DENND1B: variants seen among roughly 807,000 people sequenced by gnomAD.
DENND1B encodes the protein DENN domain containing 1B.
In DENND1B, 59 loss-of-function variants were observed where a neutral mutation model predicts 90.1. That is an observed-to-expected ratio of 0.65 (90% CI 0.53 to 0.81). DENND1B has a LOEUF of 0.81. Among genes scored for constraint, DENND1B ranks in the 40% least tolerant of loss-of-function variants. The pLI, the probability that DENND1B is intolerant of heterozygous loss-of-function variation, is 0.00. For missense variants in DENND1B, 862 were observed against 912.6 expected (o/e 0.94, Z 0.71); for synonymous variants, 337 against 324.6 (o/e 1.04, Z -0.41).
intron 2 of DENND1B, among the ~76,000 whole-genome samples, chr1:197,759,965 TC>T (rs1285440048): frequency 6.6e-6 from 1 of 152,152 alleles, no homozygotes; most frequent in Admixed American, 6.5e-5. Flanking sequence ...CTTAAAAAGA[TC>T]GACTTTAATC....
At chr1:197,752,800 G>C (rs557353569) in intron 2 of DENND1B, among the ~76,000 whole-genome samples, 12 of 151,442 alleles carry the variant, frequency 7.9e-5, no homozygotes, top group African/African-American at 2.7e-4. Flanking sequence ...CCGACCCCAC[G>C]ACAGGCCCCG....
chr1:197,644,106 G>C (rs1294330969), intron 9 of DENND1B, among the ~76,000 whole-genome samples: 1 of 152,162 alleles, frequency 6.6e-6, no homozygotes, highest in African/African-American at 2.4e-5. Context: ...AATTTGGTGG[G>C]AAGAGGTTTA....
chr1:197,775,058 G>T, intron 1 of DENND1B, 81 bp downstream of exon 1: 1 of 996,414 alleles, frequency 1.0e-6, no homozygotes, highest in Non-Finnish European at 1.3e-6. Context: ...GTTGAGCGCG[G>T]AGGCGCGGAG....
chr1:197,529,246 G>A (rs1156561171), intron 20 of DENND1B, among the ~76,000 whole-genome samples: 401 of 10,250 alleles, frequency 0.039, no homozygotes, highest in Middle Eastern at 0.15. Flanking sequence ...ATATATATGT[G>A]TGTGTGTGTG....
At chr1:197,689,251 A>C (rs774526807) in intron 3 of DENND1B, among the ~76,000 whole-genome samples, 11 of 152,082 alleles carry the variant, frequency 7.2e-5, no homozygotes, top group Admixed American at 3.9e-4. Flanking sequence ...GGCAGCAGGC[A>C]AAGAGAGAAA....
At chr1:197,537,488 A>G (rs1199560783) in intron 20 of DENND1B, among the ~76,000 whole-genome samples, 2 of 152,152 alleles carry the variant, frequency 1.3e-5, no homozygotes, top group African/African-American at 4.8e-5. Flanking sequence ...ATCAGAATGT[A>G]CAGTGTGAGG....
intron 10 of DENND1B, among the ~76,000 whole-genome samples, chr1:197,629,568 C>T (rs1488518163): frequency 2.6e-5 from 4 of 151,412 alleles, no homozygotes; most frequent in African/African-American, 4.9e-5. Flanking sequence ...AGGAGATATA[C>T]CTAATGCTAA....
At chr1:197,631,631 C>T (rs1473943053) in intron 10 of DENND1B, among the ~76,000 whole-genome samples, 1 of 151,720 alleles carries the variant, frequency 6.6e-6, no homozygotes, top group Non-Finnish European at 1.5e-5. Context: ...GAAAAAGAGA[C>T]AATCACAATG....
intron 5 of DENND1B, among the ~76,000 whole-genome samples, chr1:197,660,493 TG>T (rs1454307118): frequency 6.6e-6 from 1 of 151,988 alleles, no homozygotes; most frequent in Non-Finnish European, 1.5e-5. Flanking sequence ...AAAGAATGAC[TG>T]GAAATTTTCC....
intron 18 of DENND1B, among the ~76,000 whole-genome samples, chr1:197,542,675 T>C (rs1670421386): frequency 6.6e-6 from 1 of 152,158 alleles, no homozygotes; most frequent in Admixed American, 6.5e-5. Flanking sequence ...GTTTTATTCA[T>C]AGCAATTTGT....
chr1:197,569,833 T>C (rs1673000916), intron 15 of DENND1B, among the ~76,000 whole-genome samples: 1 of 152,170 alleles, frequency 6.6e-6, no homozygotes, highest in African/African-American at 2.4e-5. Flanking sequence ...TCAGGAATTC[T>C]ATTGTTCAAC....
At chr1:197,515,879 A>G (rs933634876) in intron 20 of DENND1B, among the ~76,000 whole-genome samples, 5 of 151,824 alleles carry the variant, frequency 3.3e-5, no homozygotes, top group East Asian at 1.9e-4. Context: ...GTCTTTCCCT[A>G]TTGTGTTGCA....
chr1:197,749,283 T>G (rs986379043), intron 2 of DENND1B, among the ~76,000 whole-genome samples: 1 of 151,998 alleles, frequency 6.6e-6, no homozygotes, highest in African/African-American at 2.4e-5. Flanking sequence ...ATATATAAAT[T>G]TATAGACCCA....
At chr1:197,723,263 G>C (rs1661342245) in intron 2 of DENND1B, among the ~76,000 whole-genome samples, 1 of 152,124 alleles carries the variant, frequency 6.6e-6, no homozygotes. Flanking sequence ...TCAATCTCCT[G>C]ATAGAGTAAT....
intron 2 of DENND1B, among the ~76,000 whole-genome samples, chr1:197,752,819 T>C (rs745659439): frequency 2.0e-5 from 3 of 151,952 alleles, no homozygotes; most frequent in Non-Finnish European, 4.4e-5. Context: ...CGGTGTGTGA[T>C]GTTCCCCACC....
intron 10 of DENND1B, among the ~76,000 whole-genome samples, chr1:197,620,247 A>G (rs553895433): frequency 6.6e-6 from 1 of 151,452 alleles, no homozygotes; most frequent in African/African-American, 2.4e-5. Flanking sequence ...AGATGATAGC[A>G]AAGTTGCAAG....
rs1326737766 is a variant in DENND1B at position 197,654,084 on chromosome 1, A to G, written c.367-1769T>C. Among the ~76,000 whole-genome samples the G allele has an allele frequency of 2.6e-5, 4 of 152,230 alleles. No individual in the cohort carries two copies. In the East Asian group the frequency reaches 7.7e-4, roughly 29 times the overall value. ...CAAATATATACAGAAAAATATTTAC[A>G]TGCACAAACACATACACATAAACAA... On this transcript the variant is annotated intron_variant, in intron 6 of 22. Coordinates refer to ENST00000620048, the MANE Select transcript of DENND1B (RefSeq NM_001195215.2).
At chr1:197,583,087 T>C in intron 15 of DENND1B, 65 bp downstream of exon 15, 10 of 1,408,630 alleles carry the variant, frequency 7.1e-6, no homozygotes, top group Non-Finnish European at 1.0e-5. Flanking sequence ...AGTTTTATAG[T>C]AATACAAATG....
chr1:197,660,881 GA>G (rs1383093313), intron 5 of DENND1B, among the ~76,000 whole-genome samples: 1 of 152,024 alleles, frequency 6.6e-6, no homozygotes, highest in Non-Finnish European at 1.5e-5. Context: ...TAAAGGAGAT[GA>G]AAAAGAAGGA....
Sources: gnomAD v4.1 joint callset for allele counts (sites outside exome capture counted in the v4.1 genomes callset) on GRCh38, gnomAD v4.1.1 for gene constraint, MANE v1.5 for transcripts, NCBI Gene and HGNC (gene_info 2026-07-23, HGNC 2026-07-21) for gene names.